Variants in ZNF132 observed in about 807,000 individuals in gnomAD.
The protein encoded by ZNF132 is zinc finger protein 132 (clone pHZ-12).
In ZNF132, 6 loss-of-function variants were observed where a neutral mutation model predicts 9.3. The ratio of observed to expected loss-of-function variants is 0.65; its 90% CI spans 0.35 to 1.28. The LOEUF is 1.28. Among genes scored for constraint, ZNF132 ranks in the 50% most tolerant of loss-of-function variants. ZNF132 has a pLI of 0.03. For synonymous variants in ZNF132, 296 were observed against 292.0 expected, an observed-to-expected ratio of 1.01 and a Z score of -0.14; for missense variants, 877 against 843.2, an observed-to-expected ratio of 1.04 and a Z score of -0.50.
chr19:58,435,333 A>T, intron 2 of ZNF132, 122 bp from the exon 3 acceptor site: 1 of 1,125,868 alleles, frequency 8.9e-7, no homozygotes. Flanking sequence ...TGACAGGCCA[A>T]CAGGGCCATC....
At chr19:58,439,411 CTA>C (rs1254101858) in intron 1 of ZNF132, among the ~76,000 whole-genome samples, 1 of 152,232 alleles carries the variant, frequency 6.6e-6, no homozygotes, top group Non-Finnish European at 1.5e-5. Context: ...CCAGGCCTAA[CTA>C]TTGGTTTCCC....
Position 58,434,287 on chromosome 19 carries a change from T to C in ZNF132, c.1157A>G (p.Gln386Arg). ...CTGATGCCGAAGGAAATTGGAGCTTTGGCTGAAGGCTCTTCCACATTTCAG... is the reference window on the plus strand; with the variant it reads ...CTGATGCCGAAGGAAATTGGAGCTTCGGCTGAAGGCTCTTCCACATTTCAG... ...ECLKCGRAFS[Q>R]SSNFLRHQKV... Residue 386 changes from glutamine to arginine, a missense_variant, in exon 3 of 3, where the codon CAA (glutamine) becomes CGA (arginine). Physicochemically the swap from Gln to Arg is conservative, Grantham distance 43. Transcript: ENST00000254166. 1 of 1,614,194 alleles carries C rather than the reference T, an allele frequency of 6.2e-7. No homozygotes were observed. The highest frequency in any genetic ancestry group is 8.5e-7 in the Non-Finnish European group (1 of 1,180,038).
Position 58,433,980 on chromosome 19 carries a change from T to C in ZNF132, c.1464A>G (p.Glu488=), listed in dbSNP as rs1176771608. 2 of 1,614,080 alleles carry C rather than the reference T, an allele frequency of 1.2e-6. No individual in the cohort carries two copies. The highest frequency in any genetic ancestry group is 1.7e-6 in the Non-Finnish European group (2 of 1,180,022). ...QKVHTGERPF[E]CCDCGKAFSN... ...TGAAGGCTTTACCACAATCACAGCA[T>C]TCAAAAGGCCGTTCTCCAGTGTGAA... Residue 488 remains glutamate (E), a synonymous_variant, in exon 3 of 3, where the codon GAA becomes GAG. Coordinates refer to ENST00000254166, the MANE Select transcript of ZNF132 (RefSeq NM_003433.4).
chr19:58,433,283 T>C lies in ZNF132; in HGVS notation c.*40A>G. The C allele has an allele frequency of 1.3e-6, 2 of 1,571,150 alleles. No homozygotes were observed. The highest frequency in any genetic ancestry group is 1.7e-6 in the Non-Finnish European group (2 of 1,157,394). Reference sequence around the variant, plus strand: ...TCTGCTGCATGAAGTTTGACTTGGCTGAAGATTTTCTCACAAAGACCACTT... The same window carrying C: ...TCTGCTGCATGAAGTTTGACTTGGCCGAAGATTTTCTCACAAAGACCACTT... On this transcript the variant is annotated 3_prime_UTR_variant, in exon 3 of 3. Transcript: ENST00000254166.
rs2052756749 is a variant in ZNF132, at chr19:58,433,828, C to T, written c.1616G>A (p.Gly539Glu). Reference protein sequence around the residue: ...SLIQHWRIHTGEKPYECSECG... With the variant: ...SLIQHWRIHTEEKPYECSECG... ...CTCACTACACTCGTAAGGCTTTTCT[C>T]CAGTGTGAATTCTCCAGTGCTGAAT... The change falls in exon 3 of 3, where the codon GGA becomes GAA. Residue 539 changes from glycine (G) to glutamate (E), a missense_variant. By Grantham distance (98) the Gly-to-Glu change is moderately conservative. Transcript: ENST00000254166. The T allele has an allele frequency of 6.2e-7, 1 of 1,614,060 alleles. No homozygotes were observed. The highest frequency in any genetic ancestry group is 1.3e-5 in the African/African-American group (1 of 74,914).
chr19:58,437,200 A>G lies in ZNF132; in HGVS notation c.79T>C (p.Cys27Arg). The G allele has an allele frequency of 1.3e-6, 2 of 1,599,404 alleles. No individual in the cohort carries two copies. The highest frequency in any genetic ancestry group is 2.2e-5 in the East Asian group (1 of 44,780). Reference sequence around the variant, plus strand: ...TTCAATGTGGGGACAGCTGAGCCACAGGGCCAAGAAGTATGCTGACAAAGA... The same window carrying G: ...TTCAATGTGGGGACAGCTGAGCCACGGGGCCAAGAAGTATGCTGACAAAGA... ...MGPAQHTSWP[C>R]GSAVPTLKSM... The change falls in exon 2 of 3, where the codon TGT becomes CGT. Residue 27 changes from cysteine to arginine, a missense_variant. Cys to Arg is a radical substitution (Grantham distance 180). Coordinates refer to ENST00000254166, the MANE Select transcript of ZNF132 (RefSeq NM_003433.4).
Position 58,433,654 on chromosome 19 carries a change from T to C in ZNF132, c.1790A>G (p.Lys597Arg), listed in dbSNP as rs1384877409. ...IKHQKVHTGE[K>R]PYKCSECGKF... ...CCCACATTCACTGCATTTATAAGGC[T>C]TTTCTCCAGTATGAACTTTCTGATG... Residue 597 changes from lysine to arginine, a missense_variant, in exon 3 of 3, where the codon AAG becomes AGG. Physicochemically the swap from Lys to Arg is conservative, Grantham distance 26. Transcript: ENST00000254166. 8 of 1,613,978 alleles carry C rather than the reference T, an allele frequency of 5.0e-6. No individual in the cohort carries two copies. The highest frequency in any genetic ancestry group is 5.1e-6 in the Non-Finnish European group (6 of 1,179,976).
At position 58,433,166 on chromosome 19, in the gene ZNF132, G is replaced by A. The variant is rs1441276226; in HGVS notation, c.*157C>T. The A allele has an allele frequency of 2.6e-6, 2 of 774,392 alleles. No homozygotes were observed. Among genetic ancestry groups the A allele is most frequent in the Admixed American group, 2.9e-5 (1 of 34,626 alleles). 48.0% of individuals were successfully genotyped at this position (774,392 alleles called of 1,614,324 possible). A position where few individuals can be genotyped will look rare whatever the true frequency, so the allele number is the denominator to read the frequency against. On this transcript the variant is annotated 3_prime_UTR_variant, in exon 3 of 3. Transcript: ENST00000254166. ...TATGCTGCATGGGTGAGATGGCCCT[G>A]CAAAGGTTCCTGGGCTGGTCAGAAA...
chr19:58,434,769 C>T lies in ZNF132; in HGVS notation c.675G>A (p.Gln225=), dbSNP rs749975819. The T allele has an allele frequency of 6.2e-7, 1 of 1,614,244 alleles. No individual in the cohort carries two copies. The highest frequency in any genetic ancestry group is 1.1e-5 in the South Asian group (1 of 91,084). The change falls in exon 3 of 3, where the codon CAG becomes CAA. Residue 225 remains glutamine (Q), a synonymous_variant. Coordinates refer to ENST00000254166, the MANE Select transcript of ZNF132 (RefSeq NM_003433.4). ...TCTGTGTGGTACAGACTTCTGGAAG[C>T]TGCCCAAGATTGGAATATGGCTTCT... ...SGQKPYSNLG[Q]LPEVCTTQKL...
chr19:58,433,540 G>A lies in ZNF132; in HGVS notation c.1904C>T (p.Ala635Val). The change falls in exon 3 of 3, where the codon GCC becomes GTC. Residue 635 changes from alanine to valine, a missense_variant. Transcript: ENST00000254166. Reference protein sequence around the residue: ...RPYECSECGRAFSSNSHLVRH... With the variant: ...RPYECSECGRVFSSNSHLVRH... ...AACCAGGTGGGAGTTACTGCTAAAG[G>A]CTCTCCCACATTCACTGCATTCGTA... The A allele has an allele frequency of 6.2e-7, 1 of 1,614,144 alleles. No homozygotes were observed. Among genetic ancestry groups the A allele is most frequent in the Non-Finnish European group, 8.5e-7 (1 of 1,180,008 alleles).
In ZNF132 at chr19:58,433,601, T is replaced by A; in HGVS notation, c.1843A>T (p.Ile615Phe). The A allele has an allele frequency of 6.2e-7, 1 of 1,613,936 alleles. No individual in the cohort carries two copies. Among genetic ancestry groups the A allele is most frequent in the South Asian group, 1.1e-5 (1 of 91,068 alleles). ...GKFFSRKSSL[I>F]CHWRVHTGER... ...CCAGTGTGAACTCTCCAGTGACAAA[T>A]AAGGCTGGATTTTCGGCTAAAGAAT... The change falls in exon 3 of 3, where the codon ATT becomes TTT. Residue 615 changes from isoleucine (I) to phenylalanine (F), a missense_variant. By Grantham distance (21) the Ile-to-Phe change is conservative. Coordinates refer to ENST00000254166, the MANE Select transcript of ZNF132 (RefSeq NM_003433.4).
chr19:58,435,107 C>T lies in ZNF132; in HGVS notation c.337G>A (p.Ala113Thr), dbSNP rs369379492. The T allele has an allele frequency of 1.2e-6, 2 of 1,614,210 alleles. No individual in the cohort carries two copies. The highest frequency in any genetic ancestry group is 1.7e-6 in the Non-Finnish European group (2 of 1,180,036). The change falls in exon 3 of 3, where the codon GCT becomes ACT. Residue 113 changes from alanine to threonine, a missense_variant. Coordinates refer to ENST00000254166, the MANE Select transcript of ZNF132 (RefSeq NM_003433.4). ...GGCCCACACATGTCACAGGAGTTAG[C>T]TTTCTTGGTGGAAGGATCTGCATTA... ...IPNADPSTKK[A>T]NSCDMCGPFL...
intron 1 of ZNF132, chr19:58,437,846 C>G (rs2052781619): frequency 1.0e-6 from 1 of 958,024 alleles, no homozygotes; most frequent in African/African-American, 1.8e-5. Flanking sequence ...CCTGTTCCTT[C>G]AACCATCAGC....
At position 58,435,077 on chromosome 19, in the gene ZNF132, A is replaced by G. The variant is rs376426634; in HGVS notation, c.367T>C (p.Leu123=). 2 of 1,614,138 alleles carry G rather than the reference A, an allele frequency of 1.2e-6. No individual in the cohort carries two copies. The highest frequency in any genetic ancestry group is 1.1e-5 in the South Asian group (1 of 91,066). ...TCAGCCAGGTGCAAAATGTCTTTCA[A>G]GAATGGCCCACACATGTCACAGGAG... ...ANSCDMCGPF[L]KDILHLAEHQ... is the part of the protein sequence containing the mutation. The change falls in exon 3 of 3, where the codon TTG becomes CTG. Residue 123 remains leucine, a synonymous_variant. Coordinates refer to ENST00000254166, the MANE Select transcript of ZNF132 (RefSeq NM_003433.4).
intron 2 of ZNF132, 73 bp downstream of exon 2, chr19:58,436,974 A>G (rs771384146): frequency 4.4e-6 from 7 of 1,606,226 alleles, no homozygotes; most frequent in Non-Finnish European, 8.5e-7. Context: ...TGGCTTTGGG[A>G]TGAACAGAGC....
intron 1 of ZNF132, among the ~76,000 whole-genome samples, chr19:58,438,437 C>A (rs2122306576): frequency 6.6e-6 from 1 of 152,050 alleles, no homozygotes; most frequent in African/African-American, 2.4e-5. Context: ...ATCTACTCCT[C>A]ACACCAACTT....
At chr19:58,436,098 A>G (rs1470682295) in intron 2 of ZNF132, among the ~76,000 whole-genome samples, 1 of 152,224 alleles carries the variant, frequency 6.6e-6, no homozygotes, top group Non-Finnish European at 1.5e-5. Context: ...AAAAATACAT[A>G]GTATTCTATA....
At chr19:58,439,016 T>C (rs62117595) in intron 1 of ZNF132, among the ~76,000 whole-genome samples, 12,178 of 151,064 alleles carry the variant, frequency 0.081, 762 homozygotes, top group East Asian at 0.31. Context: ...TCAAGTGATC[T>C]GGCCGCCTTG....
In ZNF132 at chr19:58,436,585, G is replaced by A. The variant is rs556343847; in HGVS notation, c.232+462C>T. ...TGGGAGGCTGAGGCAGGAGAATGGC[G>A]TGAACCTGGGAGGCAGAGCTTGCAG... is the stretch of plus-strand genomic sequence containing the variant. On this transcript the variant is annotated intron_variant, in intron 2 of 2. Coordinates refer to ENST00000254166, the MANE Select transcript of ZNF132 (RefSeq NM_003433.4). Among the ~76,000 whole-genome samples the A allele has an allele frequency of 1.0e-3, 152 of 148,098 alleles. No individual in the cohort carries two copies. In the East Asian group the frequency reaches 0.011, roughly 10 times the overall value.
Sources: gnomAD v4.1 joint callset for allele counts (sites outside exome capture counted in the v4.1 genomes callset) on GRCh38, gnomAD v4.1.1 for gene constraint, MANE v1.5 for transcripts, NCBI Gene and HGNC (gene_info 2026-07-23, HGNC 2026-07-21) for gene names.